Variants in RGS22 observed in about 807,000 individuals in gnomAD.
RGS22 encodes the protein regulator of G protein signaling 22, also known as regulator of G-protein signaling 22.
Under a neutral mutation model 172.9 loss-of-function variants are expected in RGS22, and 148 were observed. The ratio of observed to expected loss-of-function variants is 0.86; its 90% confidence interval spans 0.75 to 0.98. The LOEUF (loss-of-function observed/expected upper bound fraction) is 0.98, where lower values mean the gene tolerates loss of function less well. Ranked by LOEUF, RGS22 falls within the 50% of genes least tolerant of loss-of-function variation. The pLI is 0.00. For missense variants in RGS22, 1,347 were observed against 1,440.8 expected (o/e 0.93, Z 1.05); for synonymous variants, 458 against 480.2 (o/e 0.95, Z 0.60).
At chr8:100,097,796 T>C (rs1993707) in intron 2 of RGS22, among the ~76,000 whole-genome samples, 102,196 of 152,072 alleles carry the variant, frequency 0.67, 35,466 homozygotes, top group African/African-American at 0.85. Flanking sequence ...GTCCATCATA[T>C]GCCAAACCTC....
At chr8:100,076,969 G>A (rs1388276927) in intron 4 of RGS22, among the ~76,000 whole-genome samples, 2 of 151,818 alleles carry the variant, frequency 1.3e-5, no homozygotes, top group Non-Finnish European at 2.9e-5. Flanking sequence ...CTCCAGCCAG[G>A]GCATCAGAGC....
At chr8:99,962,637 T>G (rs370661682) in intron 26 of RGS22, 50 bp downstream of exon 26, 2 of 1,549,024 alleles carry the variant, frequency 1.3e-6, no homozygotes, top group East Asian at 4.5e-5. Context: ...GAGGCAAAAC[T>G]CCATCAAAAA....
At chr8:99,994,853 T>C (rs1814179614) in intron 20 of RGS22, among the ~76,000 whole-genome samples, 1 of 152,202 alleles carries the variant, frequency 6.6e-6, no homozygotes, top group African/African-American at 2.4e-5. Flanking sequence ...TCACGCTACC[T>C]GACTTCAAAC....
In RGS22 at chr8:99,987,570, C is replaced by G; in HGVS notation, c.3068G>C (p.Arg1023Pro). 6.2e-7 allele frequency: 1 copy of G among 1,609,690 alleles called. No individual in the cohort carries two copies. The highest frequency in any genetic ancestry group is 8.5e-7 in the Non-Finnish European group (1 of 1,177,854). ...ISSSCKIIAF[R>P]KALLNPVTSR... Reference sequence around the variant, plus strand: ...AGTAACTGGATTCAATAATGCTTTGCGAAAAGCAATGATTTTACAAGATGA... The same window carrying G: ...AGTAACTGGATTCAATAATGCTTTGGGAAAAGCAATGATTTTACAAGATGA... Residue 1023 changes from arginine to proline, a missense_variant, in exon 21 of 28, where the codon CGC becomes CCC. Arg to Pro is a moderately radical substitution (Grantham distance 103, BLOSUM62 -2). Transcript: ENST00000360863.
intron 1 of RGS22, 52 bp from the exon 2 acceptor site, chr8:100,105,454 A>C (rs1280186046): frequency 6.8e-7 from 1 of 1,473,048 alleles, no homozygotes; most frequent in Non-Finnish European, 9.5e-7. Context: ...ATTTCCTTTG[A>C]GTAAATGAAA....
chr8:99,985,949 C>T (rs946974618), intron 21 of RGS22, among the ~76,000 whole-genome samples: 1 of 152,148 alleles, frequency 6.6e-6, no homozygotes, highest in Admixed American at 6.5e-5. Context: ...ACACACTCTA[C>T]CTCCTTTCTA....
chr8:100,089,478 C>T (rs1812406333), intron 3 of RGS22, among the ~76,000 whole-genome samples: 1 of 152,042 alleles, frequency 6.6e-6, no homozygotes, highest in Non-Finnish European at 1.5e-5. Flanking sequence ...TCCATTTCAC[C>T]CCTGCTACCC....
chr8:100,081,804 G>A (rs1470595873), intron 3 of RGS22, among the ~76,000 whole-genome samples: 1 of 152,008 alleles, frequency 6.6e-6, no homozygotes. Context: ...ATTAATGGGA[G>A]TAGGAGAAAC....
chr8:100,053,302 A>T (rs911375110), intron 9 of RGS22, among the ~76,000 whole-genome samples: 6 of 151,976 alleles, frequency 3.9e-5, no homozygotes, highest in Non-Finnish European at 5.9e-5. Context: ...GGCGCCTGTA[A>T]CCCCAGCTAC....
intron 23 of RGS22, among the ~76,000 whole-genome samples, chr8:99,968,078 A>AC (rs1810942893): frequency 6.6e-6 from 1 of 152,190 alleles, no homozygotes. Flanking sequence ...GCCGGTGATA[A>AC]CCCAGGCAAA....
At chr8:99,962,570 G>C (rs1810320493) in intron 26 of RGS22, 117 bp downstream of exon 26, 2 of 1,382,076 alleles carry the variant, frequency 1.4e-6, no homozygotes, top group East Asian at 4.6e-5. Flanking sequence ...GGGCAGAATA[G>C]GGTGGAGGGG....
intron 3 of RGS22, among the ~76,000 whole-genome samples, chr8:100,083,414 C>T (rs561390122): frequency 5.3e-5 from 8 of 152,152 alleles, no homozygotes; most frequent in African/African-American, 1.7e-4. Flanking sequence ...TGTCCTCAGG[C>T]TGGAGTGCAG....
At chr8:100,078,411 T>C (rs1165069482) in intron 4 of RGS22, among the ~76,000 whole-genome samples, 1 of 150,474 alleles carries the variant, frequency 6.6e-6, no homozygotes, top group African/African-American at 2.4e-5. Flanking sequence ...CTCAATATGA[T>C]TAATTATATT....
intron 27 of RGS22, among the ~76,000 whole-genome samples, chr8:99,961,518 C>T (rs966026298): frequency 2.0e-5 from 3 of 152,332 alleles, no homozygotes; most frequent in Non-Finnish European, 4.4e-5. Flanking sequence ...TGAAGAAGGA[C>T]ATGTTTGCTT....
intron 3 of RGS22, among the ~76,000 whole-genome samples, chr8:100,088,303 C>A (rs1295520114): frequency 6.6e-6 from 1 of 152,034 alleles, no homozygotes. Flanking sequence ...TAGAACAGGC[C>A]ACCCCTTCAG....
intron 9 of RGS22, among the ~76,000 whole-genome samples, chr8:100,053,660 G>A (rs748889815): frequency 6.6e-6 from 1 of 151,538 alleles, no homozygotes; most frequent in Non-Finnish European, 1.5e-5. Context: ...TTTTGACACG[G>A]AGTCTTGCTC....
In RGS22 at chr8:100,063,537, T is replaced by C. The variant is rs1292685483; in HGVS notation, c.1231A>G (p.Asn411Asp). 6.2e-6 allele frequency: 10 copies of C among 1,614,096 alleles called. No homozygotes were observed. The highest frequency in any genetic ancestry group is 7.6e-6 in the Non-Finnish European group (9 of 1,179,994). Residue 411 changes from asparagine (N) to aspartate (D), a missense_variant, in exon 8 of 28, where the codon AAT becomes GAT. By Grantham distance (23) the Asn-to-Asp change is conservative (BLOSUM62 1). Transcript: ENST00000360863. ...TTAAATCTTTCAAACTCCTTTCTAT[T>C]GCCAATGTCATAAGTCCTATGAGAA... ...CISHRTYDIG[N>D]RKEFERFKKF...
At chr8:100,105,800 A>G in intron 1 of RGS22, 97 bp downstream of exon 1, 2 of 1,074,690 alleles carry the variant, frequency 1.9e-6, no homozygotes, top group Non-Finnish European at 2.6e-6. Flanking sequence ...GAGCGGGGAT[A>G]CCGCTAGGAG....
rs1435367292 is a variant in RGS22 at position 100,039,044 on chromosome 8, A to T, written c.2065-12T>A. On this transcript the variant is annotated splice_polypyrimidine_tract_variant and intron_variant, in intron 13 of 27. Transcript: ENST00000360863. ...CTGTTCTTCCACAACTACAGATGGAAAAAGTACATAAATTATTACCACCCA... is the reference window on the plus strand; with the variant it reads ...CTGTTCTTCCACAACTACAGATGGATAAAGTACATAAATTATTACCACCCA... The T allele has an allele frequency of 1.0e-5, 15 of 1,469,342 alleles. No individual in the cohort carries two copies. Among genetic ancestry groups the T allele is most frequent in the Non-Finnish European group, 1.4e-5 (15 of 1,062,450 alleles). The allele number at this position is 1,469,342 out of a possible 1,614,324, so 91.0% of individuals were successfully genotyped here.
Sources: gnomAD v4.1 joint callset for allele counts (sites outside exome capture counted in the v4.1 genomes callset) on GRCh38, gnomAD v4.1.1 for gene constraint, MANE v1.5 for transcripts, NCBI Gene and HGNC (gene_info 2026-07-23, HGNC 2026-07-21) for gene names.